ATXN7L1: variants seen among roughly 807,000 people sequenced by gnomAD.
ATXN7L1 encodes the protein ataxin-7-like protein 1.
Under a neutral mutation model 70.8 loss-of-function variants are expected in ATXN7L1, and 15 were observed. The ratio of observed to expected loss-of-function variants is 0.21; its 90% CI spans 0.14 to 0.33. The LOEUF is 0.33. ATXN7L1 is among the 10% of genes least tolerant of loss of function. ATXN7L1 has a pLI of 1.00. For missense variants in ATXN7L1, 975 were observed against 1,097.1 expected, an observed-to-expected ratio of 0.89 and a Z score of 1.57; for synonymous variants, 440 against 445.1, an observed-to-expected ratio of 0.99 and a Z score of 0.14.
chr7:105,686,233 G>A (rs894232838), intron 3 of ATXN7L1, among the ~76,000 whole-genome samples: 6 of 152,292 alleles, frequency 3.9e-5, no homozygotes, highest in African/African-American at 1.4e-4. Context: ...ATGCATTTAA[G>A]GGCCAGTCAC....
intron 3 of ATXN7L1, among the ~76,000 whole-genome samples, chr7:105,755,011 G>GAAAAATATCA (rs1799643269): frequency 6.6e-6 from 1 of 151,844 alleles, no homozygotes; most frequent in Non-Finnish European, 1.5e-5. Flanking sequence ...GATATAAGCT[G>GAAAAATATCA]AAAAATATCA....
At chr7:105,652,929 C>T (rs992584895) in intron 4 of ATXN7L1, among the ~76,000 whole-genome samples, 3 of 152,224 alleles carry the variant, frequency 2.0e-5, no homozygotes, top group Non-Finnish European at 4.4e-5. Flanking sequence ...ATCACTCACT[C>T]ACTCTGCTTT....
At chr7:105,689,823 G>T (rs548110837) in intron 3 of ATXN7L1, among the ~76,000 whole-genome samples, 14 of 152,296 alleles carry the variant, frequency 9.2e-5, no homozygotes, top group African/African-American at 3.1e-4. Flanking sequence ...TAGCTTCTCA[G>T]CTCCCCTGTA....
Position 105,678,288 on chromosome 7 carries a change from T to A in ATXN7L1, c.356-13000A>T, listed in dbSNP as rs1217246249. Among the ~76,000 whole-genome samples the A allele has an allele frequency of 3.3e-5, 5 of 152,132 alleles. No individual in the cohort carries two copies. The East Asian group carries it at 9.6e-4, about 29-fold the overall frequency. On this transcript the variant is annotated intron_variant, in intron 3 of 11. Coordinates refer to ENST00000419735, the MANE Select transcript of ATXN7L1 (RefSeq NM_020725.2). ...TATTTTCCTGCCACCAGTCACTCGC[T>A]TGTGGCATTTAGTTAGGAACTGACT...
Position 105,844,737 on chromosome 7 carries a change from CAAGAAA to C in ATXN7L1, c.250+31069_250+31074del, listed in dbSNP as rs1813721332. Among the ~76,000 whole-genome samples, 9 of 152,062 alleles carry C rather than the reference CAAGAAA, an allele frequency of 5.9e-5. No homozygotes were observed. The South Asian group carries it at 1.9e-3, about 32-fold the overall frequency. ...GAATATTCTAGCCAGAGCAATTAGG[CAAGAAA>C]AATAAATAAAATGCATTCAGATTGG... On this transcript the variant is annotated intron_variant, in intron 2 of 11. Coordinates refer to ENST00000419735, the MANE Select transcript of ATXN7L1 (RefSeq NM_020725.2).
intron 2 of ATXN7L1, chr7:105,819,633 T>C: frequency 1.1e-6 from 1 of 883,822 alleles, no homozygotes; most frequent in South Asian, 1.3e-5. Context: ...TGGCCATTTC[T>C]ACAGATACAA....
intron 2 of ATXN7L1, among the ~76,000 whole-genome samples, chr7:105,827,680 C>T (rs999605541): frequency 7.9e-5 from 12 of 152,088 alleles, no homozygotes; most frequent in South Asian, 2.1e-4. Flanking sequence ...AGCAATTCTC[C>T]GTGTACACTA....
At chr7:105,742,406 T>A (rs778055926) in intron 3 of ATXN7L1, among the ~76,000 whole-genome samples, 4 of 152,220 alleles carry the variant, frequency 2.6e-5, no homozygotes, top group African/African-American at 4.8e-5. Context: ...TTAACATATG[T>A]GAGGCATTTG....
At chr7:105,714,457 T>G (rs1484463612) in intron 3 of ATXN7L1, among the ~76,000 whole-genome samples, 1 of 152,210 alleles carries the variant, frequency 6.6e-6, no homozygotes, top group Non-Finnish European at 1.5e-5. Flanking sequence ...GAGGGAAGCT[T>G]ATTTCCCAGG....
At chr7:105,812,135 C>T (rs1808519318) in intron 2 of ATXN7L1, among the ~76,000 whole-genome samples, 1 of 152,200 alleles carries the variant, frequency 6.6e-6, no homozygotes, top group Admixed American at 6.5e-5. Context: ...CCTTAGTGCT[C>T]ATCTCCTATC....
At chr7:105,872,225 C>T (rs1018019830) in intron 2 of ATXN7L1, among the ~76,000 whole-genome samples, 3 of 152,152 alleles carry the variant, frequency 2.0e-5, no homozygotes, top group Non-Finnish European at 2.9e-5. Context: ...ATCTCCTGAC[C>T]TCCTGATCCA....
At chr7:105,829,628 C>G (rs1811326143) in intron 2 of ATXN7L1, among the ~76,000 whole-genome samples, 1 of 151,540 alleles carries the variant, frequency 6.6e-6, no homozygotes, top group Non-Finnish European at 1.5e-5. Context: ...TGAGAAGATC[C>G]ACACTACTGC....
chr7:105,721,407 AT>A (rs1294747459), intron 3 of ATXN7L1, among the ~76,000 whole-genome samples: 1 of 152,176 alleles, frequency 6.6e-6, no homozygotes, highest in Non-Finnish European at 1.5e-5. Context: ...TTCCTGGACC[AT>A]TCAGCACAGC....
intron 3 of ATXN7L1, among the ~76,000 whole-genome samples, chr7:105,741,292 T>C (rs1256179172): frequency 6.6e-6 from 1 of 152,098 alleles, no homozygotes; most frequent in African/African-American, 2.4e-5. Flanking sequence ...CAAATGGCCA[T>C]TTCTCTCCTT....
chr7:105,745,120 C>T (rs183231312), intron 3 of ATXN7L1, among the ~76,000 whole-genome samples: 8 of 152,174 alleles, frequency 5.3e-5, no homozygotes, highest in East Asian at 1.9e-4. Flanking sequence ...GATAATTGTA[C>T]TCTGGTTATG....
At chr7:105,856,081 A>G (rs1448081611) in intron 2 of ATXN7L1, among the ~76,000 whole-genome samples, 2 of 152,212 alleles carry the variant, frequency 1.3e-5, no homozygotes, top group African/African-American at 4.8e-5. Context: ...CAAGAAAGTC[A>G]CGTCACTAAC....
At chr7:105,641,214 C>CTT (rs561100060) in intron 5 of ATXN7L1, among the ~76,000 whole-genome samples, 8 of 21,786 alleles carry the variant, frequency 3.7e-4, no homozygotes, top group African/African-American at 1.3e-3. Flanking sequence ...CTCTCTCTCT[C>CTT]TTTTTTTTTT....
intron 2 of ATXN7L1, among the ~76,000 whole-genome samples, chr7:105,833,064 C>G (rs1472145180): frequency 2.6e-5 from 4 of 152,212 alleles, no homozygotes; most frequent in Non-Finnish European, 5.9e-5. Context: ...CTCACCACAC[C>G]AGGATAAAGT....
intron 2 of ATXN7L1, among the ~76,000 whole-genome samples, chr7:105,842,671 T>C (rs951171847): frequency 1.3e-5 from 2 of 152,246 alleles, no homozygotes; most frequent in Non-Finnish European, 2.9e-5. Flanking sequence ...CTCTGAATAC[T>C]GGTGTACAAG....
Sources: allele counts gnomAD v4.1 joint callset (sites outside exome capture counted in the v4.1 genomes callset), GRCh38; gene constraint gnomAD v4.1.1; transcripts MANE v1.5; gene names NCBI Gene and HGNC (gene_info 2026-07-23, HGNC 2026-07-21).